Variants in EPHB1 observed in about 807,000 individuals in gnomAD.
EPHB1 encodes the protein EPH receptor B1, also known as ephrin type-B receptor 1.
A neutral mutation model predicts 94.4 loss-of-function variants in EPHB1; 30 were observed. The ratio of observed to expected loss-of-function variants is 0.32; its 90% confidence interval spans 0.24 to 0.43. The LOEUF (loss-of-function observed/expected upper bound fraction) is 0.43. EPHB1 is among the 20% of genes least tolerant of loss of function. EPHB1 has a pLI of 1.00. For missense variants in EPHB1, 1,055 were observed against 1,308.3 expected, an observed-to-expected ratio of 0.81 and a Z score of 2.99; for synonymous variants, 522 against 489.1, an observed-to-expected ratio of 1.07 and a Z score of -0.89.
intron 1 of EPHB1, among the ~76,000 whole-genome samples, chr3:134,809,454 A>G (rs1050726019): frequency 1.3e-5 from 2 of 152,154 alleles, no homozygotes; most frequent in African/African-American, 4.8e-5. Context: ...ATCAGGAGAA[A>G]GTAATTTTCC....
chr3:135,085,700 A>G (rs948428636), intron 3 of EPHB1, among the ~76,000 whole-genome samples: 3 of 152,226 alleles, frequency 2.0e-5, no homozygotes, highest in African/African-American at 4.8e-5. Flanking sequence ...GCTCACAGCC[A>G]TGAGGCAGCT....
intron 10 of EPHB1, among the ~76,000 whole-genome samples, chr3:135,181,833 A>G (rs1483338422): frequency 6.6e-6 from 1 of 152,142 alleles, no homozygotes; most frequent in Non-Finnish European, 1.5e-5. Flanking sequence ...TGTGTGTAGC[A>G]TTTGCCAGTG....
chr3:134,877,970 C>A (rs1380542901), intron 1 of EPHB1, among the ~76,000 whole-genome samples: 1 of 152,226 alleles, frequency 6.6e-6, no homozygotes, highest in African/African-American at 2.4e-5. Context: ...GAATCCCACA[C>A]AGTCCCTGGG....
At chr3:135,029,799 G>T (rs1936353481) in intron 3 of EPHB1, among the ~76,000 whole-genome samples, 1 of 152,052 alleles carries the variant, frequency 6.6e-6, no homozygotes, top group South Asian at 2.1e-4. Flanking sequence ...AATTCTCCTG[G>T]ATAATATCCT....
At chr3:134,859,496 G>C (rs1208624693) in intron 1 of EPHB1, among the ~76,000 whole-genome samples, 2 of 152,284 alleles carry the variant, frequency 1.3e-5, no homozygotes, top group South Asian at 4.1e-4. Flanking sequence ...GGGATCTCTA[G>C]AGGGTTCATC....
intron 1 of EPHB1, among the ~76,000 whole-genome samples, chr3:134,807,530 T>C (rs1293303524): frequency 1.6e-5 from 1 of 61,062 alleles, no homozygotes; most frequent in Admixed American, 1.9e-4. Flanking sequence ...TGTGTGCACG[T>C]GTGTGTGTGT....
At chr3:135,186,436 T>C (rs1027608) in intron 10 of EPHB1, among the ~76,000 whole-genome samples, 64,627 of 152,090 alleles carry the variant, frequency 0.42, 14,129 homozygotes, top group East Asian at 0.7. Context: ...TTGCACAAGC[T>C]AGTGTGTTAA....
chr3:134,830,316 C>A (rs930646013), intron 1 of EPHB1, among the ~76,000 whole-genome samples: 1 of 152,218 alleles, frequency 6.6e-6, no homozygotes, highest in Non-Finnish European at 1.5e-5. Context: ...GGAATTAACA[C>A]ACATACAATA....
chr3:134,980,837 A>G (rs1934375471), intron 3 of EPHB1, among the ~76,000 whole-genome samples: 1 of 152,196 alleles, frequency 6.6e-6, no homozygotes, highest in Non-Finnish European at 1.5e-5. Flanking sequence ...TGCTGCTCGT[A>G]AGTCATAACA....
At chr3:135,052,941 GTGTA>G in intron 3 of EPHB1, among the ~76,000 whole-genome samples, 1 of 103,082 alleles carries the variant, frequency 9.7e-6, no homozygotes, top group African/African-American at 4.6e-5. Flanking sequence ...GTATATATGT[GTGTA>G]TATATATATA....
chr3:135,039,140 A>G (rs1936743952), intron 3 of EPHB1, among the ~76,000 whole-genome samples: 1 of 152,062 alleles, frequency 6.6e-6, no homozygotes, highest in Non-Finnish European at 1.5e-5. Context: ...TGTGTTTACA[A>G]AGCTTGAGCT....
chr3:135,040,209 C>G (rs566478269), intron 3 of EPHB1, among the ~76,000 whole-genome samples: 1 of 152,188 alleles, frequency 6.6e-6, no homozygotes, highest in Non-Finnish European at 1.5e-5. Context: ...AAACTTGATT[C>G]CACCATCCAT....
chr3:135,063,746 G>C (rs925195371), intron 3 of EPHB1, among the ~76,000 whole-genome samples: 1 of 152,094 alleles, frequency 6.6e-6, no homozygotes, highest in South Asian at 2.1e-4. Context: ...AGTGGTGAGA[G>C]TGGGCATCCT....
rs142572702 is a variant in EPHB1, at chr3:134,818,120, A to G, written c.58+22431A>G. Among the ~76,000 whole-genome samples, 70 of 152,318 alleles carry G rather than the reference A, an allele frequency of 4.6e-4. No individual in the cohort carries two copies. In the East Asian group the frequency reaches 0.013, roughly 27 times the overall value. The stretch of plus-strand genomic sequence containing the variant: ...AGGGAAGGCATGTCCAGGTACTGGG[A>G]TAGGCCCCTTAGGTGACCATCTCAC... On this transcript the variant is annotated intron_variant, in intron 1 of 15. Coordinates refer to ENST00000398015, the MANE Select transcript of EPHB1 (RefSeq NM_004441.5).
intron 3 of EPHB1, among the ~76,000 whole-genome samples, chr3:135,091,758 C>T (rs983242252): frequency 6.6e-6 from 1 of 152,064 alleles, no homozygotes; most frequent in Non-Finnish European, 1.5e-5. Context: ...GTGTGTGTTT[C>T]CTATTTGCTC....
chr3:134,994,501 A>G (rs1934924618), intron 3 of EPHB1, among the ~76,000 whole-genome samples: 1 of 152,192 alleles, frequency 6.6e-6, no homozygotes, highest in Admixed American at 6.5e-5. Context: ...CTCTTCCACG[A>G]AGGACCCTGG....
chr3:134,861,507 T>C (rs2037257794), intron 1 of EPHB1, among the ~76,000 whole-genome samples: 1 of 152,082 alleles, frequency 6.6e-6, no homozygotes, highest in Non-Finnish European at 1.5e-5. Flanking sequence ...CAGTACCAGC[T>C]AGAGGAGGCA....
chr3:134,979,780 G>A (rs1272172802), intron 3 of EPHB1, among the ~76,000 whole-genome samples: 1 of 151,338 alleles, frequency 6.6e-6, no homozygotes, highest in Admixed American at 6.6e-5. Flanking sequence ...GTAGTCTGTT[G>A]ATGATTTTCT....
intron 1 of EPHB1, among the ~76,000 whole-genome samples, chr3:134,840,200 C>T (rs2036750873): frequency 6.6e-6 from 1 of 152,182 alleles, no homozygotes; most frequent in South Asian, 2.1e-4. Context: ...CCCCATAGTG[C>T]CTGGCCCAGG....
Sources: gnomAD v4.1 joint callset for allele counts (sites outside exome capture counted in the v4.1 genomes callset) on GRCh38, gnomAD v4.1.1 for gene constraint, MANE v1.5 for transcripts, NCBI Gene and HGNC (gene_info 2026-07-23, HGNC 2026-07-21) for gene names.